The following UBE2Z variants were observed in gnomAD, a reference collection of about 807,000 sequenced individuals.
UBE2Z encodes ubiquitin-conjugating enzyme E2 Z.
UBE2Z carries 10 observed loss-of-function variants against 32.6 expected under a neutral mutation model. The observed-to-expected ratio is 0.31, with a 90% CI of 0.19 to 0.52. UBE2Z has a LOEUF of 0.52. Among genes scored for constraint, UBE2Z ranks in the 20% least tolerant of loss-of-function variants. The probability of loss-of-function intolerance (pLI) is 0.97; values close to 1 mark genes in which losing one functional copy is unlikely to be tolerated. For missense variants in UBE2Z, 343 were observed against 480.9 expected, an observed-to-expected ratio of 0.71 and a Z score of 2.68; for synonymous variants, 183 against 190.8, an observed-to-expected ratio of 0.96 and a Z score of 0.34.
intron 5 of UBE2Z, among the ~76,000 whole-genome samples, chr17:48,922,576 C>T (rs918902059): frequency 1.3e-5 from 2 of 151,610 alleles, no homozygotes; most frequent in African/African-American, 2.4e-5. Flanking sequence ...CCTGACCAGC[C>T]TGGGCAACAT....
intron 4 of UBE2Z, among the ~76,000 whole-genome samples, chr17:48,917,780 G>A (rs947082243): frequency 8.5e-5 from 13 of 152,082 alleles, no homozygotes; most frequent in African/African-American, 3.1e-4. Flanking sequence ...CTTTCACAAA[G>A]ACACACAGAT....
chr17:48,920,127 G>A (rs1179373794), intron 4 of UBE2Z, among the ~76,000 whole-genome samples: 1 of 152,100 alleles, frequency 6.6e-6, no homozygotes, highest in African/African-American at 2.4e-5. Flanking sequence ...ATTCGAGGCA[G>A]CAGTAACCTC....
In UBE2Z at chr17:48,929,013, T is replaced by G. The variant is rs527415185; in HGVS notation, c.*1879T>G. 1.3e-5 allele frequency: 2 copies of G among 152,692 alleles called. No individual in the cohort carries two copies. Among genetic ancestry groups the G allele is most frequent in the African/African-American group, 4.8e-5 (2 of 41,528 alleles). The allele number at this position is 152,692 out of a possible 1,614,324, so 9.5% of individuals were successfully genotyped here. ...GTATATAAATGAAGTTTTTTTGTTT[T>G]TTTTGTTTTCCTTTTTGGTGCAATA... On this transcript the variant is annotated 3_prime_UTR_variant, in exon 7 of 7. Coordinates refer to ENST00000360943, the MANE Select transcript of UBE2Z (RefSeq NM_023079.5).
rs74831974 is a variant in UBE2Z, at chr17:48,914,448, A to G, written c.578+1427A>G. ...GATTTTGGCAGTGAAGAAGTCTTTT[A>G]AAGGAGGTTGTCCTTAAAGAAGTAC... On this transcript the variant is annotated intron_variant, in intron 3 of 6. Coordinates refer to ENST00000360943, the MANE Select transcript of UBE2Z (RefSeq NM_023079.5). Among the ~76,000 whole-genome samples, 899 of 152,338 alleles carry G rather than the reference A, an allele frequency of 5.9e-3. 8 individuals carry two copies. Among genetic ancestry groups the G allele is most frequent in the African/African-American group, 0.021 (862 of 41,578 alleles).
chr17:48,909,148 G>A (rs1291040473), intron 1 of UBE2Z, among the ~76,000 whole-genome samples: 1 of 146,462 alleles, frequency 6.8e-6, no homozygotes, highest in Non-Finnish European at 1.5e-5. Context: ...TAGCGCTTCA[G>A]TAACGCCCCC....
Position 48,921,271 on chromosome 17 carries a change from C to A in UBE2Z, c.802C>A (p.Arg268=), listed in dbSNP as rs1567779728. Residue 268 remains arginine (R), a splice_region_variant and synonymous_variant, in exon 5 of 7, where the codon CGA becomes AGA. Coordinates refer to ENST00000360943, the MANE Select transcript of UBE2Z (RefSeq NM_023079.5). ...EGKCPCPEPL[R]GVMEKSFLEY... ...AAAGTGTCCCTGTCCTGAACCCCTACGGTATGTGTCAAGCGGGCTTGCTTG... is the reference window on the plus strand; with the variant it reads ...AAAGTGTCCCTGTCCTGAACCCCTAAGGTATGTGTCAAGCGGGCTTGCTTG... 3 of 1,608,380 alleles carry A rather than the reference C, an allele frequency of 1.9e-6. No individual in the cohort carries two copies. The highest frequency in any genetic ancestry group is 4.5e-5 in the East Asian group (2 of 44,746).
intron 4 of UBE2Z, among the ~76,000 whole-genome samples, chr17:48,920,832 C>A (rs1797230457): frequency 6.6e-6 from 1 of 152,100 alleles, no homozygotes; most frequent in Non-Finnish European, 1.5e-5. Context: ...GCTTAGCAAC[C>A]CTACCATCAT....
intron 4 of UBE2Z, among the ~76,000 whole-genome samples, chr17:48,920,756 T>C (rs28409394): frequency 0.42 from 64,342 of 151,956 alleles, 15,711 homozygotes; most frequent in East Asian, 0.71. Flanking sequence ...ACCCAAACTC[T>C]TGGGCTCAAG....
In UBE2Z at chr17:48,928,505, A is replaced by G. The variant is rs1300827501; in HGVS notation, c.*1371A>G. 3 of 152,692 alleles carry G rather than the reference A, an allele frequency of 2.0e-5. No homozygotes were observed. Among genetic ancestry groups the G allele is most frequent in the Non-Finnish European group, 4.4e-5 (3 of 68,156 alleles). The allele number at this position is 152,692 out of a possible 1,614,324, so 9.5% of individuals were successfully genotyped here. ...GGCCTCAGTCAGTGTCCAGCCATGC[A>G]TAAGGGAGAGGATAGTGTGTACCTG... is the stretch of plus-strand genomic sequence containing the variant. On this transcript the variant is annotated 3_prime_UTR_variant, in exon 7 of 7. Coordinates refer to ENST00000360943, the MANE Select transcript of UBE2Z (RefSeq NM_023079.5).
Position 48,922,908 on chromosome 17 carries a change from C to G in UBE2Z, c.865C>G (p.Arg289Gly). The part of the protein sequence containing the change: ...YDFYEVACKD[R>G]LHLQGQTMQD... ...CTTCTACGAGGTGGCCTGCAAAGAT[C>G]GCCTGCACCTTCAAGGCCAAACTAT... The change falls in exon 6 of 7, where the codon CGC becomes GGC. Residue 289 changes from arginine to glycine, a missense_variant. By Grantham distance (125) the Arg-to-Gly change is moderately radical. Transcript: ENST00000360943. 1 of 1,612,660 alleles carries G rather than the reference C, an allele frequency of 6.2e-7. No individual in the cohort carries two copies. Among genetic ancestry groups the G allele is most frequent in the Non-Finnish European group, 8.5e-7 (1 of 1,179,190 alleles).
At chr17:48,917,739 G>C (rs2040730653) in intron 4 of UBE2Z, among the ~76,000 whole-genome samples, 1 of 152,122 alleles carries the variant, frequency 6.6e-6, no homozygotes, top group Non-Finnish European at 1.5e-5. Flanking sequence ...ATTTTCAAGT[G>C]AAATAATGTT....
At chr17:48,916,250 G>GTTTTTTT (rs1234372680) in intron 4 of UBE2Z, 63 bp downstream of exon 4, 311 of 517,366 alleles carry the variant, frequency 6.0e-4, no homozygotes, top group East Asian at 2.3e-3. Context: ...TGGTTGGTTG[G>GTTTTTTT]TTTTTTTGTT....
intron 6 of UBE2Z, 58 bp from the exon 7 acceptor site, chr17:48,926,906 C>T: frequency 6.4e-7 from 1 of 1,558,096 alleles, no homozygotes; most frequent in South Asian, 1.2e-5. Flanking sequence ...AAGTTGCTTT[C>T]TCTAGGATCA....
At position 48,909,873 on chromosome 17, in the gene UBE2Z, A is replaced by G. The variant is rs560909192; in HGVS notation, c.318-935A>G. 2.0e-5 allele frequency among the ~76,000 whole-genome samples: 3 copies of G among 152,228 alleles called. No homozygotes were observed. In the East Asian group the frequency reaches 5.8e-4, roughly 29 times the overall value. ...GTCTACTTTTCAAGGTTGTAATAAA[A>G]ATTAATATAATGTGTGTAAAGTACC... On this transcript the variant is annotated intron_variant, in intron 1 of 6. Transcript: ENST00000360943.
chr17:48,926,894 C>A, intron 6 of UBE2Z, 70 bp from the exon 7 acceptor site: 1 of 1,509,764 alleles, frequency 6.6e-7, no homozygotes, highest in East Asian at 2.3e-5. Context: ...CACATGGGCC[C>A]GAAGTTGCTT....
chr17:48,923,333 A>T (rs1385857658), intron 6 of UBE2Z, among the ~76,000 whole-genome samples: 5 of 150,434 alleles, frequency 3.3e-5, no homozygotes, highest in Non-Finnish European at 5.9e-5. Flanking sequence ...AAAAAAAAAA[A>T]AAAAAAAAAA....
chr17:48,923,453 A>G (rs531023468), intron 6 of UBE2Z, among the ~76,000 whole-genome samples: 1 of 151,926 alleles, frequency 6.6e-6, no homozygotes, highest in Admixed American at 6.6e-5. Flanking sequence ...CAACATGATG[A>G]AACCCCGCCT....
Position 48,927,296 on chromosome 17 carries a change from G to A in UBE2Z, c.*162G>A, listed in dbSNP as rs1270492280. ...TCCGATCCCAGGGTGTGGGAGTGGG[G>A]GCCTGTTCCCGGTCTGACCTCCTTG... On this transcript the variant is annotated 3_prime_UTR_variant, in exon 7 of 7. Transcript: ENST00000360943. 7.9e-6 allele frequency: 6 copies of A among 756,698 alleles called. No individual in the cohort carries two copies. The highest frequency in any genetic ancestry group is 1.3e-5 in the Non-Finnish European group (6 of 478,362). 46.9% of individuals were successfully genotyped at this position (756,698 alleles called of 1,614,324 possible). A position where few individuals can be genotyped will look rare whatever the true frequency, so the allele number is the denominator to read the frequency against.
intron 4 of UBE2Z, among the ~76,000 whole-genome samples, chr17:48,918,714 C>G (rs933476180): frequency 9.9e-5 from 15 of 150,930 alleles, no homozygotes; most frequent in African/African-American, 3.6e-4. Flanking sequence ...TGAAATAGAC[C>G]TCATTAGCAG....
Sources: allele counts gnomAD v4.1 joint callset (sites outside exome capture counted in the v4.1 genomes callset), GRCh38; gene constraint gnomAD v4.1.1; transcripts MANE v1.5; gene names NCBI Gene and HGNC (gene_info 2026-07-23, HGNC 2026-07-21).